The following NIT1 variants were observed in gnomAD, a reference collection of about 807,000 sequenced individuals.
NIT1 encodes the protein nitrilase 1.
Under a neutral mutation model 36.8 loss-of-function variants are expected in NIT1, and 30 were observed. The observed-to-expected ratio is 0.82, with a 90% CI of 0.61 to 1.11. NIT1 has a LOEUF of 1.11. Among genes scored for constraint, NIT1 ranks in the 50% least tolerant of loss-of-function variants. NIT1 has a pLI of 0.00. For synonymous variants in NIT1, 151 were observed against 155.6 expected (o/e 0.97, Z 0.22); for missense variants, 438 against 410.6 (o/e 1.07, Z -0.58).
downstream of NIT1, among the ~76,000 whole-genome samples, chr1:161,123,648 A>G (rs571500463): frequency 3.4e-4 from 51 of 151,894 alleles, no homozygotes; most frequent in African/African-American, 1.1e-3. Flanking sequence ...AAAAAAAAAA[A>G]AAAAAGACAA....
chr1:161,124,561 A>G, downstream of NIT1: 10 of 1,506,156 alleles, frequency 6.6e-6, no homozygotes, highest in Non-Finnish European at 8.9e-6. Flanking sequence ...TGAGACACTC[A>G]AGGGCAGGAA....
At chr1:161,122,270 T>C (rs760754439), downstream of NIT1, 24 of 1,614,248 alleles carry the variant, frequency 1.5e-5, no homozygotes, top group Non-Finnish European at 1.9e-5. This position sits in a 1 kb window ranked among gnomAD's most constrained non-coding sequence, Gnocchi z 4.2. Flanking sequence ...TGAGGGAGTC[T>C]GTGATGAAGA....
chr1:161,125,044 C>T (rs10908823), downstream of NIT1: 52,732 of 153,072 alleles, frequency 0.34, 9,269 homozygotes, highest in East Asian at 0.44. Context: ...TGCAGTGAGC[C>T]ATAATCCTGC....
rs1655449298 is a variant in NIT1, at chr1:161,121,145, T to G, written c.*380T>G. ...CTGGACTAAGCTCCAGTTCTAGACCTCCTGGCTCATTCAACATGCCTCCCT... is the reference window on the plus strand; with the variant it reads ...CTGGACTAAGCTCCAGTTCTAGACCGCCTGGCTCATTCAACATGCCTCCCT... On this transcript the variant is annotated 3_prime_UTR_variant, in exon 7 of 7. Coordinates refer to ENST00000368009, the MANE Select transcript of NIT1 (RefSeq NM_005600.3). 2.8e-6 allele frequency: 3 copies of G among 1,068,346 alleles called. No homozygotes were observed. The allele number at this position is 1,068,346 out of a possible 1,614,324, so 66.2% of individuals were successfully genotyped here. A position where few individuals can be genotyped will look rare whatever the true frequency, so the allele number is the denominator to read the frequency against.
At chr1:161,118,340 C>G in intron 1 of NIT1, 162 bp downstream of exon 1, 4 of 1,523,292 alleles carry the variant, frequency 2.6e-6, no homozygotes, top group Non-Finnish European at 3.5e-6. Flanking sequence ...GCCTGGGTTC[C>G]TTTGCCCCTT....
intron 2 of NIT1, 120 bp from the exon 3 acceptor site, chr1:161,119,014 C>G (rs954039452): frequency 2.1e-6 from 3 of 1,397,738 alleles, no homozygotes; most frequent in East Asian, 2.3e-5. Context: ...GGTCAACGTG[C>G]CCTGTAAGAG....
rs1655156977 is a variant in NIT1 at position 161,119,307 on chromosome 1, T to C, written c.272T>C (p.Ile91Thr). 6.2e-7 allele frequency: 1 copy of C among 1,614,206 alleles called. No homozygotes were observed. Among genetic ancestry groups the C allele is most frequent in the Non-Finnish European group, 8.5e-7 (1 of 1,180,036 alleles). ...TTCCTGCCTGAGGCATTTGACTTCA[T>C]TGCACGGGACCCTGCAGAGACGCTA... The part of the protein sequence containing the change: ...LAFLPEAFDF[I>T]ARDPAETLHL... Residue 91 changes from isoleucine (I) to threonine (T), a missense_variant, in exon 3 of 7, where the codon ATT (isoleucine) becomes ACT (threonine). Coordinates refer to ENST00000368009, the MANE Select transcript of NIT1 (RefSeq NM_005600.3).
Position 161,118,185 on chromosome 1 carries a change from C to T in NIT1, c.2+7C>T. The T allele has an allele frequency of 6.2e-7, 1 of 1,614,110 alleles. No homozygotes were observed. Among genetic ancestry groups the T allele is most frequent in the Non-Finnish European group, 8.5e-7 (1 of 1,179,960 alleles). The stretch of plus-strand genomic sequence containing the variant: ...GTTTTGGCTATATCTTCATGTAGGA[C>T]CTACTCCCTATCCCGTCGGCCGCGG... On this transcript the variant is annotated splice_region_variant and intron_variant, in intron 1 of 6. Coordinates refer to ENST00000368009, the MANE Select transcript of NIT1 (RefSeq NM_005600.3).
At chr1:161,123,207 G>C, downstream of NIT1, 1 of 1,613,984 alleles carries the variant, frequency 6.2e-7, no homozygotes, top group South Asian at 1.1e-5. Context: ...CACACCACAG[G>C]ATAGTGGGGA....
downstream of NIT1, chr1:161,122,219 A>G (rs113728325): frequency 1.2e-6 from 2 of 1,614,128 alleles, no homozygotes; most frequent in East Asian, 4.5e-5. This position sits in a 1 kb window ranked among gnomAD's most constrained non-coding sequence, Gnocchi z 4.2. Flanking sequence ...CCTCGTCTAC[A>G]TTTACCAGCA....
At chr1:161,123,839 C>T (rs1364913134), downstream of NIT1, 1 of 1,612,474 alleles carries the variant, frequency 6.2e-7, no homozygotes, top group South Asian at 1.1e-5. Context: ...GTCTTCTCAC[C>T]TGTTTTAGAG....
At chr1:161,121,848 G>C, downstream of NIT1, 1 of 320,768 alleles carries the variant, frequency 3.1e-6, no homozygotes, top group Non-Finnish European at 5.8e-6. Flanking sequence ...CCCTTACAAA[G>C]ACTATGTGCT....
At position 161,120,487 on chromosome 1, in the gene NIT1, T is replaced by C; in HGVS notation, c.718-12T>C. The stretch of plus-strand genomic sequence containing the variant: ...CTACATGTACTTAAGTGAACACACA[T>C]CTCATGCCCAGGTGTTGCTGCGGGC... On this transcript the variant is annotated splice_polypyrimidine_tract_variant and intron_variant, in intron 6 of 6. Coordinates refer to ENST00000368009, the MANE Select transcript of NIT1 (RefSeq NM_005600.3). 6.2e-7 allele frequency: 1 copy of C among 1,612,658 alleles called. No individual in the cohort carries two copies. Among genetic ancestry groups the C allele is most frequent in the Non-Finnish European group, 8.5e-7 (1 of 1,178,960 alleles).
rs746890842 is a variant in NIT1, at chr1:161,119,151, TCTC to T, written c.120_122del (p.Ser43del). On this transcript the variant is annotated inframe_deletion, in exon 3 of 7. Coordinates refer to ENST00000368009, the MANE Select transcript of NIT1 (RefSeq NM_005600.3). ...GTTCACAGGCCCAGAGCCATGGCTA[TCTC>T]CTCTTCCTCCTGCGAACTGCCCCTG... The T allele has an allele frequency of 1.7e-5, 28 of 1,613,742 alleles. No individual in the cohort carries two copies. Among genetic ancestry groups the T allele is most frequent in the Non-Finnish European group, 2.4e-5 (28 of 1,180,034 alleles).
intron 6 of NIT1, 28 bp from the exon 7 acceptor site, chr1:161,120,471 C>G: frequency 6.2e-7 from 1 of 1,607,406 alleles, no homozygotes; most frequent in African/African-American, 1.3e-5. Context: ...GCTACATGTA[C>G]TTAAGTGAAC....
chr1:161,119,282 T>C lies in NIT1; in HGVS notation c.247T>C (p.Phe83Leu). Residue 83 changes from phenylalanine to leucine, a missense_variant, in exon 3 of 7, where the codon TTC becomes CTC. Coordinates refer to ENST00000368009, the MANE Select transcript of NIT1 (RefSeq NM_005600.3). ...TGCCAGACTGGGTGCCTGCCTGGCT[T>C]TCCTGCCTGAGGCATTTGACTTCAT... ...EAARLGACLA[F>L]LPEAFDFIAR... 1 of 1,614,226 alleles carries C rather than the reference T, an allele frequency of 6.2e-7. No individual in the cohort carries two copies. Among genetic ancestry groups the C allele is most frequent in the Non-Finnish European group, 8.5e-7 (1 of 1,180,026 alleles).
chr1:161,118,478 A>G (rs1655067720), intron 1 of NIT1: 1 of 1,536,168 alleles, frequency 6.5e-7, no homozygotes, highest in Non-Finnish European at 8.7e-7. Context: ...GTCTTGGGAA[A>G]ACCAAGGATA....
In NIT1 at chr1:161,120,725, G is replaced by A. The variant is rs762290156; in HGVS notation, c.944G>A (p.Arg315Lys). Residue 315 changes from arginine (R) to lysine (K), a missense_variant, in exon 7 of 7, where the codon AGG (arginine) becomes AAG (lysine). Arg to Lys is a conservative substitution (Grantham distance 26, BLOSUM62 2). Transcript: ENST00000368009. ...RRHLPVFQHR[R>K]PDLYGNLGHP... ...CACCTGCCTGTGTTCCAGCACCGCA[G>A]GCCTGACCTCTATGGCAATCTGGGT... 3.1e-6 allele frequency: 5 copies of A among 1,613,854 alleles called. No homozygotes were observed. The highest frequency in any genetic ancestry group is 4.5e-5 in the East Asian group (2 of 44,882).
chr1:161,120,416 T>C, intron 6 of NIT1, 83 bp from the exon 7 acceptor site: 1 of 1,498,580 alleles, frequency 6.7e-7, no homozygotes, highest in African/African-American at 1.4e-5. Context: ...TCACAATGGG[T>C]AGATTGGTCT....
Sources: allele counts gnomAD v4.1 joint callset (sites outside exome capture counted in the v4.1 genomes callset), GRCh38; gene constraint gnomAD v4.1.1; non-coding constraint Gnocchi (gnomAD v3.1); transcripts MANE v1.5; gene names NCBI Gene and HGNC (gene_info 2026-07-23, HGNC 2026-07-21).